Variants in CHMP4A observed in about 807,000 individuals in gnomAD.
CHMP4A encodes the protein charged multivesicular body protein 4A.
CHMP4A carries 29 observed loss-of-function variants against 28.2 expected under a neutral mutation model. The ratio of observed to expected loss-of-function variants is 1.03; its 90% confidence interval spans 0.77 to 1.40. The LOEUF (loss-of-function observed/expected upper bound fraction) is 1.40, where lower values mean the gene tolerates loss of function less well. CHMP4A is among the 40% of genes most tolerant of loss of function. CHMP4A has a pLI of 0.00. For missense variants in CHMP4A, 241 were observed against 263.5 expected (o/e 0.91, Z 0.59); for synonymous variants, 88 against 99.3 (o/e 0.89, Z 0.67).
chr14:24,210,508 T>A, intron 4 of CHMP4A, 25 bp from the exon 5 acceptor site: 2 of 1,604,982 alleles, frequency 1.2e-6, no homozygotes, highest in Non-Finnish European at 1.7e-6. Context: ...CAAGACCACT[T>A]TAGATGAAGA....
intron 5 of CHMP4A, 34 bp from the exon 6 acceptor site, chr14:24,209,969 G>C: frequency 6.3e-7 from 1 of 1,599,582 alleles, no homozygotes; most frequent in Non-Finnish European, 8.6e-7. Flanking sequence ...GAAAAGAAAG[G>C]AGAAGCAGTA....
chr14:24,212,553 A>AT, intron 1 of CHMP4A: 1 of 350,374 alleles, frequency 2.9e-6, no homozygotes, highest in Non-Finnish European at 5.3e-6. Flanking sequence ...ATGCCCACCT[A>AT]ATTTTTTTTT....
At chr14:24,209,959 G>A (rs746785073) in intron 5 of CHMP4A, 24 bp from the exon 6 acceptor site, 12 of 1,608,750 alleles carry the variant, frequency 7.5e-6, no homozygotes, top group Non-Finnish European at 1.0e-5. Context: ...GATACCCAGA[G>A]AAAAGAAAGG....
intron 1 of CHMP4A, 66 bp downstream of exon 1, chr14:24,213,343 G>A (rs1009620625): frequency 1.4e-6 from 2 of 1,458,354 alleles, no homozygotes; most frequent in Non-Finnish European, 1.8e-6. Flanking sequence ...GCCGAATCTC[G>A]CCGGGGTCTC....
chr14:24,210,590 G>A, intron 4 of CHMP4A, 64 bp downstream of exon 4: 2 of 1,592,304 alleles, frequency 1.3e-6, no homozygotes, highest in Non-Finnish European at 1.7e-6. Flanking sequence ...AGCCTCTCTT[G>A]GGTGTTCCTT....
intron 3 of CHMP4A, 192 bp from the exon 4 acceptor site, chr14:24,210,960 G>T: frequency 1.8e-6 from 1 of 565,634 alleles, no homozygotes. Flanking sequence ...AAGGCAGGTG[G>T]ATCACCTGAG....
intron 1 of CHMP4A, 99 bp from the exon 2 acceptor site, chr14:24,211,928 T>C (rs10144791): frequency 0.016 from 16,993 of 1,067,120 alleles, 445 homozygotes; most frequent in African/African-American, 0.11. Context: ...GACTGTGTTA[T>C]TGCTAATCCC....
chr14:24,210,040 C>T, intron 5 of CHMP4A, 105 bp from the exon 6 acceptor site: 1 of 1,131,690 alleles, frequency 8.8e-7, no homozygotes, highest in Non-Finnish European at 1.3e-6. Flanking sequence ...AATTCTGTCT[C>T]CCCAGCAAAA....
rs1368954055 is a variant in CHMP4A at position 24,210,419 on chromosome 14, A to G, written c.539T>C (p.Val180Ala). ...QEELAQELLN[V>A]GDKEEEPSVK... Reference sequence around the variant, plus strand: ...TGAGGGTTCTTCTTCCTTGTCGCCCACATTTAACAACTCCTGGGCCAATTC... The same window carrying G: ...TGAGGGTTCTTCTTCCTTGTCGCCCGCATTTAACAACTCCTGGGCCAATTC... The change falls in exon 5 of 6, where the codon GTG (valine) becomes GCG (alanine). Residue 180 changes from valine to alanine, a missense_variant. Val to Ala is a moderately conservative substitution (Grantham distance 64, BLOSUM62 0). Coordinates refer to ENST00000347519, the MANE Select transcript of CHMP4A (RefSeq NM_014169.5). 1.2e-6 allele frequency: 2 copies of G among 1,614,016 alleles called. No individual in the cohort carries two copies. The highest frequency in any genetic ancestry group is 1.7e-6 in the Non-Finnish European group (2 of 1,180,036).
At chr14:24,210,250 T>C (rs2039579585) in intron 5 of CHMP4A, 98 bp downstream of exon 5, 2 of 1,483,968 alleles carry the variant, frequency 1.3e-6, no homozygotes, top group Non-Finnish European at 1.8e-6. Context: ...CAGCCCTTTC[T>C]GTGTGGCTCC....
rs916192632 is a variant in CHMP4A at position 24,209,702 on chromosome 14, CCTT to C, written c.*172_*174del. On this transcript the variant is annotated 3_prime_UTR_variant, in exon 6 of 6. Transcript: ENST00000347519. Reference sequence around the variant, plus strand: ...CCAAGGGCTCCTTCTGTAGCAAGATCCTTCTTCAGAGTTGAGCCAGGGCTGGGA... The same window carrying C: ...CCAAGGGCTCCTTCTGTAGCAAGATCCTTCAGAGTTGAGCCAGGGCTGGGA... The C allele has an allele frequency of 1.2e-5, 8 of 650,024 alleles. No homozygotes were observed. In the African/African-American group the frequency reaches 1.5e-4, roughly 12 times the overall value. The allele number at this position is 650,024 out of a possible 1,614,324, so 40.3% of individuals were successfully genotyped here.
chr14:24,213,277 G>C (rs2039613866), intron 1 of CHMP4A, 132 bp downstream of exon 1: 2 of 1,140,512 alleles, frequency 1.8e-6, no homozygotes, highest in Non-Finnish European at 2.4e-6. Context: ...CGGCCGCCGG[G>C]GTTTTCCAGT....
intron 3 of CHMP4A, 163 bp downstream of exon 3, chr14:24,211,252 G>C: frequency 1.7e-6 from 1 of 590,124 alleles, no homozygotes; most frequent in Non-Finnish European, 2.9e-6. Flanking sequence ...AATGCCCCAG[G>C]CAGCGAAAGA....
chr14:24,210,257 C>T, intron 5 of CHMP4A, 91 bp downstream of exon 5: 2 of 1,511,290 alleles, frequency 1.3e-6, no homozygotes, highest in South Asian at 1.3e-5. Context: ...TTCTGTGTGG[C>T]TCCTTTGAGG....
intron 1 of CHMP4A, chr14:24,212,146 C>A: frequency 4.6e-6 from 1 of 217,458 alleles, no homozygotes; most frequent in Non-Finnish European, 9.2e-6. Context: ...CAGGCTGGAA[C>A]GCAATGGCGT....
rs141982789 is a variant in CHMP4A, at chr14:24,210,367, A to C, written c.591T>G (p.Thr197=). Residue 197 remains threonine (T), a synonymous_variant, in exon 5 of 6, where the codon ACT becomes ACG. Transcript: ENST00000347519. Reference sequence around the variant, plus strand: ...GCATACCTGGCCCTGCCGGCAGATGAGTAGAAGGTACACTAGGCAATTTGA... The same window carrying C: ...GCATACCTGGCCCTGCCGGCAGATGCGTAGAAGGTACACTAGGCAATTTGA... ...PSVKLPSVPS[T]HLPAGPAPKV... 3 of 1,614,056 alleles carry C rather than the reference A, an allele frequency of 1.9e-6. No individual in the cohort carries two copies. Among genetic ancestry groups the C allele is most frequent in the Non-Finnish European group, 8.5e-7 (1 of 1,179,998 alleles).
Position 24,211,526 on chromosome 14 carries a change from A to C in CHMP4A, c.248T>G (p.Leu83Ter). 6.2e-7 allele frequency: 1 copy of C among 1,614,072 alleles called. No individual in the cohort carries two copies. Among genetic ancestry groups the C allele is most frequent in the East Asian group, 2.2e-5 (1 of 44,876 alleles). Residue 83 changes from leucine to a stop codon, truncating the protein, a stop_gained, in exon 3 of 6, where the codon TTA (leucine) becomes TGA (stop). Coordinates refer to ENST00000347519, the MANE Select transcript of CHMP4A (RefSeq NM_014169.5). LOFTEE classifies it high-confidence loss of function. Reference sequence around the variant, plus strand: ...CTCACGCTGAAACTCCAGGGTGGATAATGTCCCGTCAGTTTGTGCCAGCTG... The same window carrying C: ...CTCACGCTGAAACTCCAGGGTGGATCATGTCCCGTCAGTTTGTGCCAGCTG... The part of the protein sequence containing the change: ...EQQLAQTDGT[L>*]STLEFQREAI...
intron 5 of CHMP4A, 149 bp from the exon 6 acceptor site, chr14:24,210,084 T>C: frequency 1.2e-6 from 1 of 853,226 alleles, no homozygotes; most frequent in Non-Finnish European, 1.9e-6. Context: ...CTTGCTAGGC[T>C]GCTGTTCAAT....
At chr14:24,210,823 T>G (rs939553617) in intron 3 of CHMP4A, 55 bp from the exon 4 acceptor site, 1 of 1,303,564 alleles carries the variant, frequency 7.7e-7, no homozygotes, top group Non-Finnish European at 1.1e-6. Flanking sequence ...CTTGACTTTC[T>G]CATCTCACAT....
Sources: allele counts gnomAD v4.1 joint callset, GRCh38; gene constraint gnomAD v4.1.1; transcripts MANE v1.5; gene names NCBI Gene and HGNC (gene_info 2026-07-23, HGNC 2026-07-21).